Variants in POLR3B observed in about 807,000 individuals in gnomAD.
POLR3B encodes DNA-directed RNA polymerase III subunit RPC2.
In POLR3B, 96 loss-of-function variants were observed where a neutral mutation model predicts 147.4. The observed-to-expected ratio is 0.65, with a 90% CI of 0.55 to 0.77. The LOEUF is 0.77. POLR3B is among the 30% of genes least tolerant of loss of function. POLR3B has a pLI of 0.00. For missense variants in POLR3B, 1,036 were observed against 1,413.5 expected (o/e 0.73, Z 4.28); for synonymous variants, 461 against 485.9 (o/e 0.95, Z 0.67).
In POLR3B at chr12:106,432,370, T is replaced by C. The variant is rs765361070; in HGVS notation, c.1517T>C (p.Met506Thr). The C allele has an allele frequency of 1.2e-6, 2 of 1,613,802 alleles. No individual in the cohort carries two copies. Among genetic ancestry groups the C allele is most frequent in the Non-Finnish European group, 1.7e-6 (2 of 1,179,710 alleles). Residue 506 changes from methionine to threonine, a missense_variant, in exon 15 of 28, where the codon ATG becomes ACG. This residue lies in a region of POLR3B where 177 missense variants were observed against 232.7 expected (regional missense o/e 0.76). Coordinates refer to ENST00000228347, the MANE Select transcript of POLR3B (RefSeq NM_018082.6). ...CTTATGACACACATCACAACTGATATGGAAGATGGACCCATTGTTAAATTA... is the reference window on the plus strand; with the variant it reads ...CTTATGACACACATCACAACTGATACGGAAGATGGACCCATTGTTAAATTA... ...LALMTHITTDMEDGPIVKLAS... is the reference protein window; with the variant it reads ...LALMTHITTDTEDGPIVKLAS...
chr12:106,479,637 C>A (rs2038235903), intron 23 of POLR3B, among the ~76,000 whole-genome samples: 1 of 152,262 alleles, frequency 6.6e-6, no homozygotes, highest in Non-Finnish European at 1.5e-5. Context: ...CCTGCCTCGG[C>A]CTCCCAAAGT....
chr12:106,392,103 A>G (rs751707822), intron 9 of POLR3B, among the ~76,000 whole-genome samples: 5 of 152,176 alleles, frequency 3.3e-5, no homozygotes, highest in Admixed American at 6.5e-5. Context: ...TGCTGCTGCC[A>G]CCTTGAAACA....
chr12:106,382,620 T>C (rs1299913034), intron 9 of POLR3B, among the ~76,000 whole-genome samples: 1 of 152,214 alleles, frequency 6.6e-6, no homozygotes, highest in Non-Finnish European at 1.5e-5. Flanking sequence ...TCATTATCAA[T>C]GAGTAGTAAT....
chr12:106,375,979 G>C (rs1261915383), intron 6 of POLR3B, among the ~76,000 whole-genome samples: 1 of 152,088 alleles, frequency 6.6e-6, no homozygotes, highest in Non-Finnish European at 1.5e-5. Flanking sequence ...TGAGTAGCTG[G>C]GACTACCGGC....
intron 19 of POLR3B, among the ~76,000 whole-genome samples, chr12:106,453,022 T>C (rs1347230744): frequency 1.9e-4 from 29 of 150,802 alleles, no homozygotes; most frequent in East Asian, 1.2e-3. Flanking sequence ...CTTTTTCTTT[T>C]CTTCTTTTTT....
intron 25 of POLR3B, chr12:106,500,327 ACTT>A (rs1470967659): frequency 8.2e-6 from 3 of 367,074 alleles, no homozygotes; most frequent in African/African-American, 6.4e-5. Flanking sequence ...CTTACTACAG[ACTT>A]TCTAAAGATT....
intron 21 of POLR3B, 149 bp downstream of exon 21, chr12:106,457,445 G>C: frequency 1.5e-6 from 1 of 663,288 alleles, no homozygotes; most frequent in Non-Finnish European, 2.6e-6. Flanking sequence ...CATTTTTGAT[G>C]AATTTCCTTC....
Position 106,504,028 on chromosome 12 carries a change from C to T in POLR3B, c.3099-53C>T. On this transcript the variant is annotated intron_variant, in intron 26 of 27. Transcript: ENST00000228347. This position sits in a 1 kb window ranked among gnomAD's most constrained non-coding sequence, Gnocchi z 4.6. ...TCTCTGCCAGCATGTGATGCTACCT[C>T]TTTGTTTGTTTAACAGAATAATAAC... 2 of 1,543,998 alleles carry T rather than the reference C, an allele frequency of 1.3e-6. No homozygotes were observed. Among genetic ancestry groups the T allele is most frequent in the Middle Eastern group, 1.7e-4 (1 of 5,936 alleles).
chr12:106,477,097 T>G (rs1378359404), intron 23 of POLR3B, among the ~76,000 whole-genome samples: 1 of 144,142 alleles, frequency 6.9e-6, no homozygotes, highest in Non-Finnish European at 1.5e-5. Context: ...GACAGGACCC[T>G]CAGCTGCAGG....
intron 11 of POLR3B, among the ~76,000 whole-genome samples, chr12:106,409,089 A>T (rs920461903): frequency 7.2e-5 from 11 of 152,208 alleles, no homozygotes; most frequent in African/African-American, 2.7e-4. Flanking sequence ...GGCTTTGTTG[A>T]AAATTGAAAA....
intron 23 of POLR3B, among the ~76,000 whole-genome samples, chr12:106,470,360 T>C (rs542922737): frequency 1.3e-5 from 2 of 152,270 alleles, no homozygotes; most frequent in South Asian, 4.1e-4. Flanking sequence ...TCTAACCTTT[T>C]TTCAAGGTTT....
chr12:106,378,632 T>C (rs2036714777), intron 8 of POLR3B, among the ~76,000 whole-genome samples: 1 of 151,922 alleles, frequency 6.6e-6, no homozygotes, highest in South Asian at 2.1e-4. Context: ...TGTTAGCTTA[T>C]AGAGCATGAA....
intron 13 of POLR3B, among the ~76,000 whole-genome samples, 198 bp from the exon 14 acceptor site, chr12:106,430,075 T>C (rs1413687158): frequency 6.6e-6 from 1 of 152,228 alleles, no homozygotes; most frequent in African/African-American, 2.4e-5. Flanking sequence ...GTAATGTTCA[T>C]TATCTTCCTA....
chr12:106,427,260 G>C lies in POLR3B; in HGVS notation c.1165G>C (p.Asp389His), dbSNP rs773665687. 6.2e-7 allele frequency: 1 copy of C among 1,608,682 alleles called. No homozygotes were observed. Among genetic ancestry groups the C allele is most frequent in the South Asian group, 1.1e-5 (1 of 90,748 alleles). The change falls in exon 13 of 28, where the codon GAC becomes CAC. Residue 389 changes from aspartate (D) to histidine (H), a missense_variant. By Grantham distance (81) the Asp-to-His change is moderately conservative. Around this residue, in one of 12 missense-constraint regions of POLR3B, gnomAD observed 89 missense variants for 110.9 expected, o/e 0.80. Coordinates refer to ENST00000228347, the MANE Select transcript of POLR3B (RefSeq NM_018082.6). ...KFNSEMKKIA[D>H]QVIPKQRAAQ... Reference sequence around the variant, plus strand: ...TAATTCTGAAATGAAAAAGATTGCCGACCAGGTGATTCCTAAGCAAAGAGC... The same window carrying C: ...TAATTCTGAAATGAAAAAGATTGCCCACCAGGTGATTCCTAAGCAAAGAGC...
chr12:106,384,773 T>C (rs758719090), intron 9 of POLR3B, among the ~76,000 whole-genome samples: 4 of 152,108 alleles, frequency 2.6e-5, no homozygotes, highest in Admixed American at 2.6e-4. Context: ...TGTTCAGGCA[T>C]GAGTTATAGT....
chr12:106,385,147 C>T (rs975480673), intron 9 of POLR3B, among the ~76,000 whole-genome samples: 2 of 152,028 alleles, frequency 1.3e-5, no homozygotes, highest in African/African-American at 4.8e-5. Flanking sequence ...AAGAAACACA[C>T]AGAAAATAAC....
chr12:106,427,294 T>C lies in POLR3B; in HGVS notation c.1199T>C (p.Phe400Ser), dbSNP rs1414538226. The C allele has an allele frequency of 1.2e-6, 2 of 1,613,594 alleles. No individual in the cohort carries two copies. Among genetic ancestry groups the C allele is most frequent in the Non-Finnish European group, 1.7e-6 (2 of 1,179,778 alleles). ...QVIPKQRAAQ[F>S]DVVKHMRQDQ... Reference sequence around the variant, plus strand: ...ATTCCTAAGCAAAGAGCAGCCCAGTTTGATGTTGTCAAACACATGCGCCAA... The same window carrying C: ...ATTCCTAAGCAAAGAGCAGCCCAGTCTGATGTTGTCAAACACATGCGCCAA... Residue 400 changes from phenylalanine (F) to serine (S), a missense_variant, in exon 13 of 28, where the codon TTT (phenylalanine) becomes TCT (serine). By Grantham distance (155) the Phe-to-Ser change is radical (BLOSUM62 -2). Transcript: ENST00000228347.
chr12:106,453,687 C>T (rs142251525), intron 19 of POLR3B, among the ~76,000 whole-genome samples: 3 of 152,234 alleles, frequency 2.0e-5, no homozygotes, highest in African/African-American at 4.8e-5. Context: ...CTGAAAGACT[C>T]ATCTTCAGGC....
chr12:106,477,753 G>A (rs1049953379), intron 23 of POLR3B, among the ~76,000 whole-genome samples: 1 of 151,990 alleles, frequency 6.6e-6, no homozygotes, highest in Non-Finnish European at 1.5e-5. Context: ...ACTGGCCTGC[G>A]CCCACTGTCT....
Sources: allele counts gnomAD v4.1 joint callset (sites outside exome capture counted in the v4.1 genomes callset), GRCh38; gene constraint gnomAD v4.1.1; regional missense constraint gnomAD v4.1.1; non-coding constraint Gnocchi (gnomAD v3.1); transcripts MANE v1.5; gene names NCBI Gene and HGNC (gene_info 2026-07-23, HGNC 2026-07-21).